LOC400499: variants seen among roughly 807,000 people sequenced by gnomAD.
chr16:11,522,958 A>G, the LOC400499 span, among the ~76,000 whole-genome samples: 1 of 152,150 alleles, frequency 6.6e-6, no homozygotes, highest in Non-Finnish European at 1.5e-5. Context: ...CGTGAAACCT[A>G]ATTATAACAT....
the LOC400499 span, among the ~76,000 whole-genome samples, chr16:11,488,330 T>A: frequency 6.6e-6 from 1 of 151,942 alleles, no homozygotes; most frequent in East Asian, 2.0e-4. Flanking sequence ...TGATATGACT[T>A]CTGTCTTCCA....
chr16:11,499,328 G>GAGGGGGAAGGGAGGGAGAGGGGAC, the LOC400499 span, among the ~76,000 whole-genome samples: 11 of 101,620 alleles, frequency 1.1e-4, 2 homozygotes, highest in Middle Eastern at 4.5e-3. Flanking sequence ...GGAGAGGGGA[G>GAGGGGGAAGGGAGGGAGAGGGGAC]AGGGGGAAGG....
the LOC400499 span, among the ~76,000 whole-genome samples, chr16:11,490,228 TAC>T: frequency 6.6e-6 from 1 of 151,772 alleles, no homozygotes; most frequent in African/African-American, 2.4e-5. Flanking sequence ...AAACCATCTC[TAC>T]TAAAAGAATA....
chr16:11,522,733 C>G, the LOC400499 span, among the ~76,000 whole-genome samples: 1 of 152,176 alleles, frequency 6.6e-6, no homozygotes, highest in Non-Finnish European at 1.5e-5. Flanking sequence ...TGACTACTCA[C>G]CTATCATCTT....
chr16:11,514,196 C>A, the LOC400499 span, among the ~76,000 whole-genome samples: 1 of 152,052 alleles, frequency 6.6e-6, no homozygotes, highest in Admixed American at 6.6e-5. Flanking sequence ...CCTGGAGAAC[C>A]TTCTAGAAGT....
At chr16:11,485,271 G>A in the LOC400499 span, among the ~76,000 whole-genome samples, 33 of 152,276 alleles carry the variant, frequency 2.2e-4, no homozygotes, top group African/African-American at 7.9e-4. Flanking sequence ...CTTGGTAGAT[G>A]CCACACGGTA....
At chr16:11,514,539 G>C in the LOC400499 span, 2 of 400,154 alleles carry the variant, frequency 5.0e-6, no homozygotes, top group African/African-American at 4.1e-5. Flanking sequence ...GTCAGGCCGG[G>C]CTGCGGACCA....
At chr16:11,522,980 C>G in the LOC400499 span, among the ~76,000 whole-genome samples, 1 of 152,168 alleles carries the variant, frequency 6.6e-6, no homozygotes, top group Admixed American at 6.5e-5. Flanking sequence ...TCACCCCTCC[C>G]CATGGCTTGT....
At chr16:11,502,112 G>C in the LOC400499 span, 1 of 399,022 alleles carries the variant, frequency 2.5e-6, no homozygotes, top group African/African-American at 2.1e-5. Flanking sequence ...AATATTGCCA[G>C]AGTTCCATCA....
At chr16:11,391,612 G>T in the LOC400499 span, 1 of 1,218,892 alleles carries the variant, frequency 8.2e-7, no homozygotes, top group Non-Finnish European at 1.0e-6. Flanking sequence ...CCCCGGTGGA[G>T]AGGGGGGACA....
the LOC400499 span, among the ~76,000 whole-genome samples, chr16:11,379,180 G>A: frequency 6.6e-6 from 1 of 152,276 alleles, no homozygotes; most frequent in African/African-American, 2.4e-5. Flanking sequence ...CCCAGGAGGT[G>A]GAGGTTGCAG....
the LOC400499 span, chr16:11,446,542 G>A: frequency 3.4e-5 from 52 of 1,535,828 alleles, no homozygotes; most frequent in African/African-American, 6.7e-4. Flanking sequence ...TGGGGTCTCT[G>A]CTCTTACCGT....
At chr16:11,472,788 G>A in the LOC400499 span, 2 of 152,110 alleles carry the variant, frequency 1.3e-5, no homozygotes, top group Non-Finnish European at 2.9e-5. Flanking sequence ...AGCAGCACCA[G>A]GCCTACAGTA....
At chr16:11,393,395 C>T in the LOC400499 span, 5 of 1,232,214 alleles carry the variant, frequency 4.1e-6, no homozygotes, top group South Asian at 8.2e-5. Context: ...ACTCACCCTC[C>T]TCATGGGCCA....
the LOC400499 span, among the ~76,000 whole-genome samples, chr16:11,494,257 G>A: frequency 2.0e-5 from 3 of 150,936 alleles, no homozygotes; most frequent in East Asian, 2.0e-4. Flanking sequence ...CCCCAGCCAC[G>A]CTCCAGACCC....
chr16:11,409,019 G>A, the LOC400499 span, among the ~76,000 whole-genome samples: 41 of 152,112 alleles, frequency 2.7e-4, no homozygotes, highest in South Asian at 8.5e-3. Flanking sequence ...CCAGCACTTT[G>A]GGAGGCTGAG....
At chr16:11,515,447 C>T in the LOC400499 span, among the ~76,000 whole-genome samples, 1 of 151,982 alleles carries the variant, frequency 6.6e-6, no homozygotes, top group Non-Finnish European at 1.5e-5. Flanking sequence ...CAGAGTGGGA[C>T]TCTGCCTCTA....
chr16:11,427,494 G>C, the LOC400499 span, among the ~76,000 whole-genome samples: 1 of 152,002 alleles, frequency 6.6e-6, no homozygotes, highest in African/African-American at 2.4e-5. Flanking sequence ...GCCCAGGCTG[G>C]AATGCAGTGC....
the LOC400499 span, among the ~76,000 whole-genome samples, chr16:11,400,038 T>A: frequency 7.0e-6 from 1 of 143,560 alleles, no homozygotes; most frequent in Non-Finnish European, 1.5e-5. Context: ...ATTCCCAGGC[T>A]GGAGACTGAA....
Sources: allele counts gnomAD v4.1 joint callset (sites outside exome capture counted in the v4.1 genomes callset), GRCh38; gene constraint gnomAD v4.1.1; transcripts MANE v1.5.